Variants in ACKR1 observed in about 807,000 individuals in gnomAD.
ACKR1 encodes atypical chemokine receptor 1 (Duffy blood group), also known as atypical chemokine receptor 1.
In ACKR1, 3 loss-of-function variants were observed where a neutral mutation model predicts 2.5. That is an observed-to-expected ratio of 1.18 (90% confidence interval 0.54 to 3.06). The LOEUF (loss-of-function observed/expected upper bound fraction) is 3.06, where lower values mean the gene tolerates loss of function less well. ACKR1 is among the 30% of genes most tolerant of loss of function. ACKR1 has a pLI of 0.03. For synonymous variants in ACKR1, 208 were observed against 178.2 expected (o/e 1.17, Z -1.33); for missense variants, 438 against 395.2 (o/e 1.11, Z -0.92).
Position 159,206,042 on chromosome 1 carries a change from G to C in ACKR1, c.603G>C (p.Thr201=). Residue 201 remains threonine, a synonymous_variant, in exon 2 of 2, where the codon ACG becomes ACC. Transcript: ENST00000368122. ...SGGLCTLIYS[T]ELKALQATHT... is the part of the protein sequence containing the mutation. Reference sequence around the variant, plus strand: ...GACTCTGCACCCTGATATACAGCACGGAGCTGAAGGCTTTGCAGGCCACAC... The same window carrying C: ...GACTCTGCACCCTGATATACAGCACCGAGCTGAAGGCTTTGCAGGCCACAC... 1 of 1,614,240 alleles carries C rather than the reference G, an allele frequency of 6.2e-7. No homozygotes were observed. The highest frequency in any genetic ancestry group is 8.5e-7 in the Non-Finnish European group (1 of 1,180,032).
chr1:159,205,640 C>T lies in ACKR1; in HGVS notation c.201C>T (p.Leu67=). ...ACTCTGCACTGCCCTTCTTCATCCT[C>T]ACCAGTGTCCTGGGTATCCTAGCTA... ...LDDSALPFFI[L]TSVLGILASS... is the part of the protein sequence containing the mutation. Residue 67 remains leucine (L), a synonymous_variant, in exon 2 of 2, where the codon CTC becomes CTT. Coordinates refer to ENST00000368122, the MANE Select transcript of ACKR1 (RefSeq NM_002036.4). 1 of 1,614,198 alleles carries T rather than the reference C, an allele frequency of 6.2e-7. No individual in the cohort carries two copies. Among genetic ancestry groups the T allele is most frequent in the South Asian group, 1.1e-5 (1 of 91,084 alleles).
At position 159,206,483 on chromosome 1, in the gene ACKR1, C is replaced by G; in HGVS notation, c.*33C>G. 1.3e-6 allele frequency: 2 copies of G among 1,562,098 alleles called. No individual in the cohort carries two copies. The highest frequency in any genetic ancestry group is 2.4e-5 in the South Asian group (2 of 84,336). The stretch of plus-strand genomic sequence containing the variant: ...CCCACCTGTCAACCTGAATTAAAGT[C>G]TACACTGCCTTTGTGAAGCGGGTGG... On this transcript the variant is annotated 3_prime_UTR_variant, in exon 2 of 2. Coordinates refer to ENST00000368122, the MANE Select transcript of ACKR1 (RefSeq NM_002036.4).
At position 159,206,376 on chromosome 1, in the gene ACKR1, C is replaced by A; in HGVS notation, c.937C>A (p.Arg313Ser). 5 of 1,614,246 alleles carry A rather than the reference C, an allele frequency of 3.1e-6. No homozygotes were observed. Among genetic ancestry groups the A allele is most frequent in the Non-Finnish European group, 4.2e-6 (5 of 1,180,042 alleles). Residue 313 changes from arginine (R) to serine (S), a missense_variant, in exon 2 of 2, where the codon CGC (arginine) becomes AGC (serine). Arg to Ser is a moderately radical substitution (Grantham distance 110, BLOSUM62 -1). Transcript: ENST00000368122. ...CGCCCTATTCTGCCACCAGGCCACC[C>A]GCACCCTCTTGCCCTCTCTGCCCCT... is the stretch of plus-strand genomic sequence containing the variant. ...LLALFCHQATRTLLPSLPLPE... is the reference protein window; with the variant it reads ...LLALFCHQATSTLLPSLPLPE...
chr1:159,205,201 GGTC>G, intron 1 of ACKR1: 1 of 602,068 alleles, frequency 1.7e-6, no homozygotes, highest in Non-Finnish European at 2.6e-6. Context: ...GTTCCATCCT[GGTC>G]TCTTGGTGCC....
At position 159,204,988 on chromosome 1, in the gene ACKR1, T is replaced by A; in HGVS notation, c.21+8T>A. ...GGGAACTGTCTGCACAGGGTGAGTA[T>A]GGGGCCAGGCCCCAGAGTCCCTTAT... On this transcript the variant is annotated splice_region_variant and intron_variant, in intron 1 of 1. Coordinates refer to ENST00000368122, the MANE Select transcript of ACKR1 (RefSeq NM_002036.4). 1 of 1,613,988 alleles carries A rather than the reference T, an allele frequency of 6.2e-7. No individual in the cohort carries two copies. The highest frequency in any genetic ancestry group is 8.5e-7 in the Non-Finnish European group (1 of 1,179,952).
rs12075 is a variant in ACKR1, at chr1:159,205,564, G to A, written c.125G>A (p.Gly42Asp). 909,100 of 1,613,990 alleles carry A rather than the reference G, an allele frequency of 0.56. 269,798 individuals are homozygous for A. The highest frequency in any genetic ancestry group is 0.93 in the African/African-American group (69,813 of 75,034). ...VNDSFPDGDY[G>D]ANLEAAAPCH... is the part of the protein sequence containing the mutation. Reference sequence around the variant, plus strand: ...GATTCCTTCCCAGATGGAGACTATGGTGCCAACCTGGAAGCAGCTGCCCCC... The same window carrying A: ...GATTCCTTCCCAGATGGAGACTATGATGCCAACCTGGAAGCAGCTGCCCCC... The change falls in exon 2 of 2, where the codon GGT becomes GAT. Residue 42 changes from glycine to aspartate, a missense_variant. Physicochemically the swap from Gly to Asp is moderately conservative, Grantham distance 94. Coordinates refer to ENST00000368122, the MANE Select transcript of ACKR1 (RefSeq NM_002036.4).
At chr1:159,205,289 C>T (rs754160083) in intron 1 of ACKR1, 172 bp from the exon 2 acceptor site, 30 of 854,646 alleles carry the variant, frequency 3.5e-5, no homozygotes, top group Non-Finnish European at 5.0e-5. Context: ...TGCTCCGGCT[C>T]TTCAGGCTCC....
In ACKR1 at chr1:159,205,883, G is replaced by C. The variant is rs201092313; in HGVS notation, c.444G>C (p.Gly148=). 2 of 1,614,020 alleles carry C rather than the reference G, an allele frequency of 1.2e-6. No individual in the cohort carries two copies. Among genetic ancestry groups the C allele is most frequent in the Non-Finnish European group, 1.7e-6 (2 of 1,180,006 alleles). ...CCTTTGCCCAGGCTTTGCTGCTAGG[G>C]TGCCATGCCTCCCTGGGCCACAGAC... The part of the protein sequence containing the change: ...GSAFAQALLL[G]CHASLGHRLG... Residue 148 remains glycine (G), a synonymous_variant, in exon 2 of 2, where the codon GGG becomes GGC. Coordinates refer to ENST00000368122, the MANE Select transcript of ACKR1 (RefSeq NM_002036.4).
chr1:159,205,471 C>G lies in ACKR1; in HGVS notation c.32C>G (p.Ser11Cys). 1 of 1,610,436 alleles carries G rather than the reference C, an allele frequency of 6.2e-7. No homozygotes were observed. The highest frequency in any genetic ancestry group is 8.5e-7 in the Non-Finnish European group (1 of 1,177,844). The change falls in exon 2 of 2, where the codon TCC (serine) becomes TGC (cysteine). Residue 11 changes from serine to cysteine, a missense_variant. By Grantham distance (112) the Ser-to-Cys change is moderately radical. Coordinates refer to ENST00000368122, the MANE Select transcript of ACKR1 (RefSeq NM_002036.4). MGNCLHRAELSPSTENSSQLD... is the reference protein window; with the variant it reads MGNCLHRAELCPSTENSSQLD... ...GGGTATGTCCTCCAGGCGGAGCTCT[C>G]CCCCTCAACTGAGAACTCAAGTCAG...
In ACKR1 at chr1:159,206,203, C is replaced by T. The variant is rs1431635781; in HGVS notation, c.764C>T (p.Pro255Leu). The change falls in exon 2 of 2, where the codon CCT becomes CTT. Residue 255 changes from proline (P) to leucine (L), a missense_variant. Transcript: ENST00000368122. Reference protein sequence around the residue: ...ILWAWFIFWWPHGVVLGLDFL... With the variant: ...ILWAWFIFWWLHGVVLGLDFL... ...TGGGCCTGGTTTATTTTCTGGTGGC[C>T]TCATGGGGTGGTTCTAGGACTGGAT... 6.2e-7 allele frequency: 1 copy of T among 1,614,240 alleles called. No individual in the cohort carries two copies. Among genetic ancestry groups the T allele is most frequent in the South Asian group, 1.1e-5 (1 of 91,084 alleles).
At position 159,204,987 on chromosome 1, in the gene ACKR1, A is replaced by G. The variant is rs1214473308; in HGVS notation, c.21+7A>G. On this transcript the variant is annotated splice_region_variant and intron_variant, in intron 1 of 1. Transcript: ENST00000368122. ...GGGGAACTGTCTGCACAGGGTGAGT[A>G]TGGGGCCAGGCCCCAGAGTCCCTTA... 7 of 1,613,840 alleles carry G rather than the reference A, an allele frequency of 4.3e-6. No homozygotes were observed. The highest frequency in any genetic ancestry group is 3.3e-5 in the Admixed American group (2 of 59,956).
At position 159,206,274 on chromosome 1, in the gene ACKR1, C is replaced by G; in HGVS notation, c.835C>G (p.Gln279Glu). ...GTTGCTGTTGTCAACATGTCTGGCCCAGCAGGCTCTGGACCTGCTGCTGAA... is the reference window on the plus strand; with the variant it reads ...GTTGCTGTTGTCAACATGTCTGGCCGAGCAGGCTCTGGACCTGCTGCTGAA... ...KLLLLSTCLA[Q>E]QALDLLLNLA... Residue 279 changes from glutamine to glutamate, a missense_variant, in exon 2 of 2, where the codon CAG becomes GAG. Transcript: ENST00000368122. The G allele has an allele frequency of 1.2e-6, 2 of 1,614,220 alleles. No individual in the cohort carries two copies. Among genetic ancestry groups the G allele is most frequent in the Non-Finnish European group, 1.7e-6 (2 of 1,180,032 alleles).
Position 159,205,750 on chromosome 1 carries a change from T to C in ACKR1, c.311T>C (p.Val104Ala), listed in dbSNP as rs749068992. The C allele has an allele frequency of 3.9e-5, 63 of 1,613,882 alleles. No individual in the cohort carries two copies. In the Admixed American group the frequency reaches 8.3e-4, roughly 21 times the overall value. The change falls in exon 2 of 2, where the codon GTG becomes GCG. Residue 104 changes from valine to alanine, a missense_variant. Physicochemically the swap from Val to Ala is moderately conservative, Grantham distance 64. Transcript: ENST00000368122. ...PGWPVLAQLAVGSALFSIVVP... is the reference protein window; with the variant it reads ...PGWPVLAQLAAGSALFSIVVP... ...TGGCCTGTCCTGGCACAGCTGGCTG[T>C]GGGCAGTGCCCTCTTCAGCATTGTG...
rs1650443326 is a variant in ACKR1, at chr1:159,206,146, G to A, written c.707G>A (p.Gly236Asp). ...FGAKGLKKAL[G>D]MGPGPWMNIL... ...GCCAAGGGGCTGAAGAAGGCATTGGGTATGGGGCCAGGCCCCTGGATGAAT... is the reference window on the plus strand; with the variant it reads ...GCCAAGGGGCTGAAGAAGGCATTGGATATGGGGCCAGGCCCCTGGATGAAT... Residue 236 changes from glycine to aspartate, a missense_variant, in exon 2 of 2, where the codon GGT becomes GAT. Gly to Asp is a moderately conservative substitution (Grantham distance 94, BLOSUM62 -1). Transcript: ENST00000368122. The A allele has an allele frequency of 5.0e-6, 8 of 1,614,240 alleles. 1 individual carries two copies. The Middle Eastern group carries it at 4.9e-4, about 100-fold the overall frequency.
At chr1:159,205,420 C>G (rs770156404) in intron 1 of ACKR1, 41 bp from the exon 2 acceptor site, 22 of 1,573,592 alleles carry the variant, frequency 1.4e-5, no homozygotes, top group African/African-American at 2.7e-5. Context: ...GGAGACTCTT[C>G]CGGTGTAACT....
At position 159,206,300 on chromosome 1, in the gene ACKR1, C is replaced by G. The variant is rs748607253; in HGVS notation, c.861C>G (p.Asn287Lys). Residue 287 changes from asparagine to lysine, a missense_variant, in exon 2 of 2, where the codon AAC becomes AAG. By Grantham distance (94) the Asn-to-Lys change is moderately conservative. Transcript: ENST00000368122. The part of the protein sequence containing the change: ...LAQQALDLLL[N>K]LAEALAILHC... The stretch of plus-strand genomic sequence containing the variant: ...AGCAGGCTCTGGACCTGCTGCTGAA[C>G]CTGGCAGAAGCCCTGGCAATTTTGC... 3.1e-6 allele frequency: 5 copies of G among 1,614,104 alleles called. No individual in the cohort carries two copies. In the African/African-American group the frequency reaches 5.3e-5, roughly 17 times the overall value.
At chr1:159,205,094 C>G in intron 1 of ACKR1, 114 bp downstream of exon 1, 1 of 1,306,074 alleles carries the variant, frequency 7.7e-7, no homozygotes, top group Middle Eastern at 1.9e-4. Context: ...TTCTCCCTTC[C>G]TGCTTTTTTC....
chr1:159,205,061 C>G (rs1650393106), intron 1 of ACKR1, 81 bp downstream of exon 1: 13 of 1,489,646 alleles, frequency 8.7e-6, no homozygotes, highest in African/African-American at 1.4e-5. Flanking sequence ...GTCTTTATAT[C>G]TCTTCCTTTT....
chr1:159,205,034 C>G (rs863001), intron 1 of ACKR1, 54 bp downstream of exon 1: 1 of 1,582,520 alleles, frequency 6.3e-7, no homozygotes, highest in East Asian at 2.3e-5. Context: ...CTCATTTCCC[C>G]TGCTGTTTGC....
Sources: gnomAD v4.1 joint callset for allele counts on GRCh38, gnomAD v4.1.1 for gene constraint, MANE v1.5 for transcripts, NCBI Gene and HGNC (gene_info 2026-07-23, HGNC 2026-07-21) for gene names.